Variants in PDE4D observed in about 807,000 individuals in gnomAD.
PDE4D encodes the protein 3',5'-cyclic-AMP phosphodiesterase 4D.
Under a neutral mutation model 87.4 loss-of-function variants are expected in PDE4D, and 24 were observed. The observed-to-expected ratio is 0.27, with a 90% CI of 0.20 to 0.39. The LOEUF (loss-of-function observed/expected upper bound fraction) is 0.39. Ranked by LOEUF, PDE4D falls within the 10% of genes least tolerant of loss-of-function variation. PDE4D has a pLI of 1.00. For synonymous variants in PDE4D, 384 were observed against 383.2 expected, an observed-to-expected ratio of 1.00 and a Z score of -0.02; for missense variants, 714 against 1,041.0, an observed-to-expected ratio of 0.69 and a Z score of 4.32.
intron 2 of PDE4D, among the ~76,000 whole-genome samples, chr5:60,124,978 G>C (rs888600188): frequency 1.3e-5 from 2 of 152,034 alleles, no homozygotes; most frequent in Non-Finnish European, 2.9e-5. Context: ...CCTCACTCTA[G>C]GTTGTATTTC....
intron 1 of PDE4D, among the ~76,000 whole-genome samples, chr5:60,270,967 T>C (rs1467588467): frequency 6.6e-6 from 1 of 152,198 alleles, no homozygotes; most frequent in Non-Finnish European, 1.5e-5. Flanking sequence ...GATTCCAGAA[T>C]ACTCAAGAGA....
At chr5:59,422,095 A>C (rs1241618176) in intron 1 of PDE4D, among the ~76,000 whole-genome samples, 1 of 152,204 alleles carries the variant, frequency 6.6e-6, no homozygotes, top group Non-Finnish European at 1.5e-5. Flanking sequence ...ATAGGCACCT[A>C]ACATAGTCTG....
chr5:60,138,025 C>A lies in PDE4D; in HGVS notation c.42+47532G>T, dbSNP rs529435290. On this transcript the variant is annotated intron_variant, in intron 2 of 16. Transcript: ENST00000502484. ...TATGGCTAGCCCGTTGTCCCAGCAC[C>A]ATTTATTGAATAGGGAATGATTTCC... 4.6e-5 allele frequency among the ~76,000 whole-genome samples: 7 copies of A among 152,146 alleles called. No individual in the cohort carries two copies. In the East Asian group the frequency reaches 1.2e-3, roughly 25 times the overall value.
chr5:60,358,722 G>T (rs901696362), intron 1 of PDE4D, among the ~76,000 whole-genome samples: 1 of 152,016 alleles, frequency 6.6e-6, no homozygotes, highest in Non-Finnish European at 1.5e-5. Flanking sequence ...TTAATTTTGC[G>T]CATTATTTAA....
intron 1 of PDE4D, among the ~76,000 whole-genome samples, chr5:59,791,976 AG>A (rs1765844635): frequency 6.6e-6 from 1 of 152,240 alleles, no homozygotes; most frequent in African/African-American, 2.4e-5. Flanking sequence ...CTGCAACTAA[AG>A]TATTTTCAAA....
At chr5:59,347,386 T>C (rs1042501613) in intron 1 of PDE4D, among the ~76,000 whole-genome samples, 4 of 152,194 alleles carry the variant, frequency 2.6e-5, no homozygotes, top group Non-Finnish European at 1.5e-5. Flanking sequence ...GGTGCTATTC[T>C]CAAAATCTGT....
intron 5 of PDE4D, among the ~76,000 whole-genome samples, chr5:59,161,182 G>A (rs1405201937): frequency 2.7e-5 from 4 of 148,686 alleles, no homozygotes; most frequent in Non-Finnish European, 5.9e-5. Context: ...AGTTTAGAAA[G>A]TGTATTTTGC....
At chr5:59,857,441 T>C (rs1161762767) in intron 1 of PDE4D, among the ~76,000 whole-genome samples, 1 of 152,164 alleles carries the variant, frequency 6.6e-6, no homozygotes, top group Non-Finnish European at 1.5e-5. Flanking sequence ...ACTCTTATAT[T>C]TTCAAAATAT....
At chr5:59,973,389 A>G (rs1760984919) in intron 3 of PDE4D, among the ~76,000 whole-genome samples, 1 of 152,190 alleles carries the variant, frequency 6.6e-6, no homozygotes, top group Admixed American at 6.5e-5. Context: ...ATATACTTGT[A>G]TATTTTGCTT....
At chr5:59,200,254 T>C (rs1212862556) in intron 2 of PDE4D, among the ~76,000 whole-genome samples, 3 of 133,030 alleles carry the variant, frequency 2.3e-5, no homozygotes, top group Non-Finnish European at 4.8e-5. Flanking sequence ...CAGCTACACG[T>C]ATACATACAT....
intron 1 of PDE4D, among the ~76,000 whole-genome samples, chr5:59,671,289 A>C (rs966099326): frequency 1.3e-5 from 2 of 152,218 alleles, no homozygotes; most frequent in African/African-American, 2.4e-5. Context: ...CAACTCAGGC[A>C]GGCAGATCGC....
At chr5:59,730,366 T>G (rs981543309) in intron 1 of PDE4D, among the ~76,000 whole-genome samples, 1 of 152,130 alleles carries the variant, frequency 6.6e-6, no homozygotes, top group African/African-American at 2.4e-5. Flanking sequence ...CAAACCAGGG[T>G]AATTAAAAAA....
At chr5:59,526,728 A>G (rs1449078047) in intron 1 of PDE4D, among the ~76,000 whole-genome samples, 1 of 152,072 alleles carries the variant, frequency 6.6e-6, no homozygotes, top group African/African-American at 2.4e-5. Context: ...GGCTCAAGCA[A>G]TCCTCCCACC....
At chr5:60,286,110 A>T (rs1752394135) in intron 1 of PDE4D, among the ~76,000 whole-genome samples, 1 of 152,162 alleles carries the variant, frequency 6.6e-6, no homozygotes, top group Admixed American at 6.6e-5. Context: ...GTCACCATGA[A>T]TTCAGGCATA....
chr5:59,296,772 AAC>A (rs10560642), intron 1 of PDE4D, among the ~76,000 whole-genome samples: 42,760 of 149,604 alleles, frequency 0.29, 8,835 homozygotes, highest in East Asian at 0.74. Flanking sequence ...AGAAATTAGT[AAC>A]ACACACACAC....
intron 1 of PDE4D, among the ~76,000 whole-genome samples, chr5:59,268,838 G>T (rs1366332806): frequency 1.3e-5 from 2 of 151,922 alleles, no homozygotes; most frequent in South Asian, 2.1e-4. Context: ...CTCCTTAAAG[G>T]CCTCATTAAT....
intron 2 of PDE4D, among the ~76,000 whole-genome samples, chr5:60,172,584 T>A (rs1225640101): frequency 6.6e-6 from 1 of 152,036 alleles, no homozygotes; most frequent in Non-Finnish European, 1.5e-5. Context: ...TGAGGCAAAA[T>A]TGTTACAATG....
chr5:59,821,824 A>G (rs946543961), intron 1 of PDE4D, among the ~76,000 whole-genome samples: 7 of 152,188 alleles, frequency 4.6e-5, no homozygotes, highest in Admixed American at 4.6e-4. Flanking sequence ...GATGTTATTG[A>G]ACATGGAGTT....
At chr5:59,070,212 A>G (rs978216418) in intron 5 of PDE4D, among the ~76,000 whole-genome samples, 34 of 152,156 alleles carry the variant, frequency 2.2e-4, no homozygotes, top group Admixed American at 6.6e-5. Context: ...CCTTGTTTCA[A>G]TTTGAACTTA....
Sources: gnomAD v4.1 joint callset for allele counts (sites outside exome capture counted in the v4.1 genomes callset) on GRCh38, gnomAD v4.1.1 for gene constraint, MANE v1.5 for transcripts, NCBI Gene and HGNC (gene_info 2026-07-23, HGNC 2026-07-21) for gene names.